CELF2: variants seen among roughly 807,000 people sequenced by gnomAD.
CELF2 encodes CUGBP Elav-like family member 2.
CELF2 carries 8 observed loss-of-function variants against 62.6 expected under a neutral mutation model. The ratio of observed to expected loss-of-function variants is 0.13; its 90% confidence interval spans 0.07 to 0.23. The LOEUF (loss-of-function observed/expected upper bound fraction) is 0.23, where lower values mean the gene tolerates loss of function less well. Ranked by LOEUF, CELF2 falls within the 10% of genes least tolerant of loss-of-function variation. CELF2 has a pLI of 1.00. For synonymous variants in CELF2, 258 were observed against 250.0 expected, an observed-to-expected ratio of 1.03 and a Z score of -0.30; for missense variants, 333 against 671.0, an observed-to-expected ratio of 0.50 and a Z score of 5.56.
At chr10:11,004,981 T>C (rs1488447108), upstream of CELF2, 4 of 910,606 alleles carry the variant, frequency 4.4e-6, no homozygotes, top group African/African-American at 3.6e-5. This position sits in a 1 kb window ranked among gnomAD's most constrained non-coding sequence, Gnocchi z 5.0. Flanking sequence ...GTTTTGCTAT[T>C]AAGTGTGTAA....
chr10:11,149,903 A>G (rs548471168), intron 1 of CELF2, among the ~76,000 whole-genome samples: 61 of 152,324 alleles, frequency 4.0e-4, no homozygotes, highest in African/African-American at 1.4e-3. Flanking sequence ...AAAAACCCTA[A>G]TGTCTTTCCC....
At chr10:10,600,502 G>A in the CELF2 span, among the ~76,000 whole-genome samples, 1 of 152,190 alleles carries the variant, frequency 6.6e-6, no homozygotes, top group Non-Finnish European at 1.5e-5. Context: ...GCATGGTGGT[G>A]ATATTTGTAG....
the CELF2 span, among the ~76,000 whole-genome samples, chr10:10,773,690 T>A: frequency 6.6e-6 from 1 of 152,218 alleles, no homozygotes. Context: ...TTATACCAGA[T>A]AAACTGGAAA....
intron 2 of CELF2, among the ~76,000 whole-genome samples, chr10:11,181,893 T>C (rs1456630819): frequency 6.6e-6 from 1 of 152,230 alleles, no homozygotes; most frequent in African/African-American, 2.4e-5. Flanking sequence ...TTGTTCTTCT[T>C]TCCTTTTCAT....
chr10:10,978,034 G>GTTTTTTT (rs527485788), intron 2 of CELF2, among the ~76,000 whole-genome samples: 1 of 121,788 alleles, frequency 8.2e-6, no homozygotes, highest in African/African-American at 3.4e-5. Flanking sequence ...GTTTTTTTTT[G>GTTTTTTT]TTTTTTGTTT....
chr10:10,809,604 G>A (rs1005757696), intron 1 of CELF2, among the ~76,000 whole-genome samples: 13 of 152,060 alleles, frequency 8.5e-5, no homozygotes, highest in Admixed American at 2.6e-4. Context: ...TTAAGCTAAC[G>A]TTTAATAATT....
At chr10:10,834,996 T>A (rs951819100) in intron 1 of CELF2, among the ~76,000 whole-genome samples, 2 of 152,184 alleles carry the variant, frequency 1.3e-5, no homozygotes, top group Non-Finnish European at 2.9e-5. Context: ...ACCTTCTTAA[T>A]GTCTCTCACA....
chr10:10,610,955 G>C, the CELF2 span, among the ~76,000 whole-genome samples: 1 of 152,104 alleles, frequency 6.6e-6, no homozygotes, highest in African/African-American at 2.4e-5. Flanking sequence ...GACCCCATGT[G>C]GCCTGAGGAT....
intron 5 of CELF2, among the ~76,000 whole-genome samples, chr10:11,259,620 G>A (rs1000131424): frequency 8.5e-5 from 13 of 152,166 alleles, no homozygotes; most frequent in African/African-American, 2.4e-4. Context: ...CTGTGCCATC[G>A]TCAGGGGCAA....
the CELF2 span, among the ~76,000 whole-genome samples, chr10:10,745,390 G>T: frequency 1.2e-4 from 18 of 152,068 alleles, no homozygotes; most frequent in Non-Finnish European, 2.2e-4. Context: ...ATGTGAATTT[G>T]TTCAATCTCT....
chr10:11,086,578 T>TAAAAAAAAAAAAGAAAAA (rs2046800032), intron 1 of CELF2, among the ~76,000 whole-genome samples: 4 of 71,982 alleles, frequency 5.6e-5, no homozygotes, highest in African/African-American at 2.2e-4. Flanking sequence ...TTGCATTTGT[T>TAAAAAAAAAAAAGAAAAA]AAAAAAAAAA....
rs2095290671 is a variant in CELF2, at chr10:11,319,355, C to G, written c.1097-1834C>G. ...GGGAGGTGAGGATGAAGTAAGATCACTGGAGGAATAGAGAAATGACTCTCC... is the reference window on the plus strand; with the variant it reads ...GGGAGGTGAGGATGAAGTAAGATCAGTGGAGGAATAGAGAAATGACTCTCC... On this transcript the variant is annotated intron_variant, in intron 10 of 12. Coordinates refer to ENST00000633077, the MANE Select transcript of CELF2 (RefSeq NM_001326342.2). This position sits in a 1 kb window ranked among gnomAD's most constrained non-coding sequence, Gnocchi z 4.4. 2.9e-6 allele frequency: 1 copy of G among 349,704 alleles called. No individual in the cohort carries two copies. The highest frequency in any genetic ancestry group is 5.7e-6 in the Non-Finnish European group (1 of 175,744). The allele number at this position is 349,704 out of a possible 1,614,324, so 21.7% of individuals were successfully genotyped here. A position where few individuals can be genotyped will look rare whatever the true frequency, so the allele number is the denominator to read the frequency against.
intron 1 of CELF2, among the ~76,000 whole-genome samples, chr10:11,072,039 C>G (rs1417800746): frequency 6.6e-6 from 1 of 152,072 alleles, no homozygotes; most frequent in Non-Finnish European, 1.5e-5. Context: ...TGGGTTATGT[C>G]CTTAGGATCA....
the CELF2 span, among the ~76,000 whole-genome samples, chr10:10,475,348 C>A: frequency 6.6e-6 from 1 of 151,900 alleles, no homozygotes; most frequent in Non-Finnish European, 1.5e-5. Flanking sequence ...GACCCAGGAC[C>A]CTTTCTAACA....
At position 11,269,631 on chromosome 10, in the gene CELF2, G is replaced by A. The variant is rs934979465; in HGVS notation, c.619-1035G>A. Among the ~76,000 whole-genome samples the A allele has an allele frequency of 1.3e-5, 2 of 152,160 alleles. No individual in the cohort carries two copies. The highest frequency in any genetic ancestry group is 4.8e-5 in the African/African-American group (2 of 41,444). On this transcript the variant is annotated intron_variant, in intron 6 of 12. Transcript: ENST00000633077. The surrounding 1 kb of genome is among the most constrained non-coding windows in gnomAD (Gnocchi z 4.4). ...TGAACAGCTTTAATTGTGATGAAAC[G>A]TGTAGGCAAGCCACACAAAGGAGGA...
chr10:11,079,585 C>G (rs1403868640), intron 1 of CELF2, among the ~76,000 whole-genome samples: 1 of 152,226 alleles, frequency 6.6e-6, no homozygotes, highest in Middle Eastern at 3.4e-3. Flanking sequence ...GGCATTCATT[C>G]TCACTCCTGC....
the CELF2 span, among the ~76,000 whole-genome samples, chr10:10,512,424 T>G: frequency 1.4e-5 from 2 of 145,430 alleles, no homozygotes; most frequent in Non-Finnish European, 3.0e-5. Context: ...TTTTTTTTTT[T>G]GAGACAGAGT....
chr10:11,187,005 A>C (rs753366940), intron 2 of CELF2, among the ~76,000 whole-genome samples: 1 of 152,178 alleles, frequency 6.6e-6, no homozygotes, highest in East Asian at 1.9e-4. Context: ...GTGCATCTCA[A>C]AAGAACAGGT....
intron 4 of CELF2, among the ~76,000 whole-genome samples, chr10:11,254,961 ACT>A (rs2078249107): frequency 6.6e-6 from 1 of 151,094 alleles, no homozygotes; most frequent in Non-Finnish European, 1.5e-5. Context: ...CGGGAATGCC[ACT>A]TTCTCACAGG....
Sources: allele counts gnomAD v4.1 joint callset (sites outside exome capture counted in the v4.1 genomes callset), GRCh38; gene constraint gnomAD v4.1.1; non-coding constraint Gnocchi (gnomAD v3.1); transcripts MANE v1.5; gene names NCBI Gene and HGNC (gene_info 2026-07-23, HGNC 2026-07-21).